The following MSH4 variants were observed in gnomAD, a reference collection of about 807,000 sequenced individuals.
The protein encoded by MSH4 is mutS homolog 4, also known as mutS protein homolog 4.
In MSH4, 106 loss-of-function variants were observed where a neutral mutation model predicts 113.7. That is an observed-to-expected ratio of 0.93 (90% CI 0.80 to 1.10). The LOEUF (loss-of-function observed/expected upper bound fraction) is 1.10, where lower values mean the gene tolerates loss of function less well. Among genes scored for constraint, MSH4 ranks in the 50% least tolerant of loss-of-function variants. The probability of loss-of-function intolerance (pLI) is 0.00; values close to 1 mark genes in which losing one functional copy is unlikely to be tolerated. For synonymous variants in MSH4, 368 were observed against 380.2 expected (o/e 0.97, Z 0.37); for missense variants, 1,061 against 1,093.7 (o/e 0.97, Z 0.42).
At chr1:75,844,154 G>C (rs1003874643) in intron 7 of MSH4, among the ~76,000 whole-genome samples, 1 of 152,062 alleles carries the variant, frequency 6.6e-6, no homozygotes, top group African/African-American at 2.4e-5. Context: ...ACCACTTTGA[G>C]AGTGTTAATA....
chr1:75,837,634 A>G (rs1396009830), intron 7 of MSH4, among the ~76,000 whole-genome samples: 1 of 151,994 alleles, frequency 6.6e-6, no homozygotes, highest in Non-Finnish European at 1.5e-5. Flanking sequence ...GTGATCCACC[A>G]GCCTCGGCCT....
chr1:75,899,635 G>A lies in MSH4; in HGVS notation c.2548G>A (p.Val850Met). The A allele has an allele frequency of 6.6e-7, 1 of 1,503,930 alleles. No homozygotes were observed. The highest frequency in any genetic ancestry group is 1.4e-5 in the South Asian group (1 of 72,142). 93.2% of individuals were successfully genotyped at this position (1,503,930 alleles called of 1,614,324 possible). The change falls in exon 19 of 20, where the codon GTG becomes ATG. Residue 850 changes from valine (V) to methionine (M), a missense_variant. Physicochemically the swap from Val to Met is conservative, Grantham distance 21. Coordinates refer to ENST00000263187, the MANE Select transcript of MSH4 (RefSeq NM_002440.4). Reference protein sequence around the residue: ...EKNYGLKAAEVSSLPPSIVLD... With the variant: ...EKNYGLKAAEMSSLPPSIVLD... ...AATTCTAGGATTAAAAGCTGCAGAGGTGTCATCACTTCCACCATCAATTGT... is the reference window on the plus strand; with the variant it reads ...AATTCTAGGATTAAAAGCTGCAGAGATGTCATCACTTCCACCATCAATTGT...
chr1:75,814,116 A>G (rs555304727), intron 4 of MSH4, among the ~76,000 whole-genome samples: 21 of 152,124 alleles, frequency 1.4e-4, no homozygotes, highest in Admixed American at 1.3e-3. Flanking sequence ...GTTTTATTCA[A>G]AGGAGGTAAA....
At chr1:75,900,803 G>T (rs1467245447) in intron 19 of MSH4, among the ~76,000 whole-genome samples, 1 of 151,992 alleles carries the variant, frequency 6.6e-6, no homozygotes, top group African/African-American at 2.4e-5. Context: ...CTCTTAGTCA[G>T]AAATTTTAAC....
chr1:75,829,909 C>G (rs774926057), intron 7 of MSH4, among the ~76,000 whole-genome samples: 4 of 152,090 alleles, frequency 2.6e-5, no homozygotes, highest in Non-Finnish European at 5.9e-5. Context: ...CAGCTCCTTG[C>G]CAGCAACGGA....
rs571665092 is a variant in MSH4, at chr1:75,834,389, A to C, written c.1162+11808A>C. Among the ~76,000 whole-genome samples, 87 of 152,356 alleles carry C rather than the reference A, an allele frequency of 5.7e-4. 1 individual carries two copies. Among genetic ancestry groups the C allele is most frequent in the South Asian group, 1.0e-3 (5 of 4,834 alleles). On this transcript the variant is annotated intron_variant, in intron 7 of 19. Coordinates refer to ENST00000263187, the MANE Select transcript of MSH4 (RefSeq NM_002440.4). Reference sequence around the variant, plus strand: ...CAGTGTGGTGATTCCTCAAGGATCTAGAACTAGAAATACCATTTGACCGAG... The same window carrying C: ...CAGTGTGGTGATTCCTCAAGGATCTCGAACTAGAAATACCATTTGACCGAG...
intron 8 of MSH4, among the ~76,000 whole-genome samples, chr1:75,854,002 A>G (rs1651253002): frequency 4.5e-5 from 1 of 22,146 alleles, no homozygotes; most frequent in Non-Finnish European, 1.7e-4. Context: ...CTAGGGCATA[A>G]GTGTGTGTGT....
chr1:75,834,072 TAAAC>T (rs1208183623), intron 7 of MSH4, among the ~76,000 whole-genome samples: 6 of 151,982 alleles, frequency 3.9e-5, no homozygotes, highest in Non-Finnish European at 7.4e-5. Flanking sequence ...ACAAAGAACT[TAAAC>T]AAATGTACAA....
chr1:75,887,523 C>G (rs957441158), intron 15 of MSH4, among the ~76,000 whole-genome samples: 1 of 152,072 alleles, frequency 6.6e-6, no homozygotes, highest in Non-Finnish European at 1.5e-5. Flanking sequence ...TGATAATACG[C>G]ATTTCACGTT....
At chr1:75,908,484 A>T (rs1053521749) in intron 19 of MSH4, among the ~76,000 whole-genome samples, 1 of 152,132 alleles carries the variant, frequency 6.6e-6, no homozygotes, top group African/African-American at 2.4e-5. Flanking sequence ...TGATAAATTT[A>T]TCAGTTGCTT....
chr1:75,835,121 C>G (rs1650800661), intron 7 of MSH4, among the ~76,000 whole-genome samples: 1 of 152,124 alleles, frequency 6.6e-6, no homozygotes, highest in African/African-American at 2.4e-5. Context: ...CCTGACTACC[C>G]TAGCTTGTGT....
At chr1:75,821,575 T>C (rs566772807) in intron 6 of MSH4, among the ~76,000 whole-genome samples, 29 of 151,958 alleles carry the variant, frequency 1.9e-4, no homozygotes, top group Non-Finnish European at 3.7e-4. Flanking sequence ...ATGAAGGAAA[T>C]AGAGACACAA....
chr1:75,877,765 C>T (rs903358234), intron 10 of MSH4, among the ~76,000 whole-genome samples: 1 of 152,186 alleles, frequency 6.6e-6, no homozygotes, highest in African/African-American at 2.4e-5. Flanking sequence ...AATCTCTTCA[C>T]CTAGCACAGT....
chr1:75,894,142 C>T (rs1034697652), intron 17 of MSH4, among the ~76,000 whole-genome samples: 5 of 152,134 alleles, frequency 3.3e-5, no homozygotes, highest in African/African-American at 1.2e-4. Flanking sequence ...CATTACGGCC[C>T]ACCATAAGGC....
In MSH4 at chr1:75,816,554, C is replaced by A. The variant is rs771356882; in HGVS notation, c.989+8C>A. ...TAATAATCAAGACTATAGGTAAGAT[C>A]ATCCATTTTATTTGTATAAAATATA... is the stretch of plus-strand genomic sequence containing the variant. On this transcript the variant is annotated splice_region_variant and intron_variant, in intron 6 of 19. Coordinates refer to ENST00000263187, the MANE Select transcript of MSH4 (RefSeq NM_002440.4). 77 of 1,484,218 alleles carry A rather than the reference C, an allele frequency of 5.2e-5. No homozygotes were observed. Among genetic ancestry groups the A allele is most frequent in the Non-Finnish European group, 6.7e-5 (73 of 1,095,246 alleles). The allele number at this position is 1,484,218 out of a possible 1,614,324, so 91.9% of individuals were successfully genotyped here. A position where few individuals can be genotyped will look rare whatever the true frequency, so the allele number is the denominator to read the frequency against.
intron 8 of MSH4, among the ~76,000 whole-genome samples, chr1:75,861,658 C>T (rs944178067): frequency 2.0e-5 from 3 of 152,166 alleles, no homozygotes; most frequent in Non-Finnish European, 4.4e-5. Context: ...AGAGGGGCAA[C>T]CGCCTGTATG....
intron 17 of MSH4, among the ~76,000 whole-genome samples, chr1:75,897,077 C>T (rs771863392): frequency 1.3e-5 from 2 of 152,120 alleles, no homozygotes; most frequent in African/African-American, 4.8e-5. Flanking sequence ...TGAACACCTA[C>T]CTAATTTGTC....
Position 75,899,725 on chromosome 1 carries a change from A to G in MSH4, c.2619+19A>G, listed in dbSNP as rs779516725. ...AATTTTGGTAAGAAACTTTGTTCTT[A>G]TTTGTTCTTCAAATTAAAAAAAATA... On this transcript the variant is annotated intron_variant, in intron 19 of 19. Coordinates refer to ENST00000263187, the MANE Select transcript of MSH4 (RefSeq NM_002440.4). The G allele has an allele frequency of 1.4e-6, 2 of 1,405,258 alleles. No individual in the cohort carries two copies. Among genetic ancestry groups the G allele is most frequent in the Non-Finnish European group, 1.9e-6 (2 of 1,058,402 alleles). 87.0% of individuals were successfully genotyped at this position (1,405,258 alleles called of 1,614,324 possible). A position where few individuals can be genotyped will look rare whatever the true frequency, so the allele number is the denominator to read the frequency against.
At chr1:75,811,663 A>G (rs1251958022) in intron 4 of MSH4, among the ~76,000 whole-genome samples, 2 of 152,218 alleles carry the variant, frequency 1.3e-5, no homozygotes, top group Non-Finnish European at 2.9e-5. Flanking sequence ...GTGGAACCTT[A>G]TCCAACAAGA....
Sources: gnomAD v4.1 joint callset for allele counts (sites outside exome capture counted in the v4.1 genomes callset) on GRCh38, gnomAD v4.1.1 for gene constraint, MANE v1.5 for transcripts, NCBI Gene and HGNC (gene_info 2026-07-23, HGNC 2026-07-21) for gene names.